Variants in NR3C2 observed in about 807,000 individuals in gnomAD.
NR3C2 encodes nuclear receptor subfamily 3 group C member 2.
Under a neutral mutation model 86.4 loss-of-function variants are expected in NR3C2, and 15 were observed. That is an observed-to-expected ratio of 0.17 (90% confidence interval 0.12 to 0.27). The LOEUF (loss-of-function observed/expected upper bound fraction) is 0.27. Ranked by LOEUF, NR3C2 falls within the 10% of genes least tolerant of loss-of-function variation. NR3C2 has a pLI of 1.00. For synonymous variants in NR3C2, 458 were observed against 450.5 expected (o/e 1.02, Z -0.21); for missense variants, 960 against 1,195.6 (o/e 0.80, Z 2.91).
chr4:148,133,133 C>T (rs538575547), intron 6 of NR3C2, among the ~76,000 whole-genome samples: 30 of 148,812 alleles, frequency 2.0e-4, no homozygotes, highest in African/African-American at 6.2e-4. Flanking sequence ...GCTGAGGACG[C>T]GGTGAGCCAT....
chr4:148,105,835 T>C (rs1327531180), intron 8 of NR3C2, among the ~76,000 whole-genome samples: 1 of 152,216 alleles, frequency 6.6e-6, no homozygotes, highest in African/African-American at 2.4e-5. Context: ...CATCCCTTCA[T>C]GTTAAAAACT....
chr4:148,120,340 C>G (rs759866254), intron 6 of NR3C2, 52 bp from the exon 7 acceptor site: 2 of 1,611,458 alleles, frequency 1.2e-6, no homozygotes, highest in East Asian at 2.2e-5. Context: ...ATTATCAAAC[C>G]CAGACTGGCA....
At chr4:148,190,429 T>C (rs939360434) in intron 4 of NR3C2, among the ~76,000 whole-genome samples, 34 of 152,336 alleles carry the variant, frequency 2.2e-4, no homozygotes, top group African/African-American at 6.5e-4. Context: ...CTTAAATTTA[T>C]TGAGGCTTGT....
chr4:148,186,996 GTATATATATATATATATATATATATA>G (rs1162757665), intron 4 of NR3C2, among the ~76,000 whole-genome samples: 19 of 27,202 alleles, frequency 7.0e-4, no homozygotes, highest in South Asian at 6.8e-3. Flanking sequence ...GTGTATGTAT[GTATATATATATATATATATATATATA>G]TATATATATA....
chr4:148,219,791 C>T (rs182564754), intron 3 of NR3C2, among the ~76,000 whole-genome samples: 25 of 152,168 alleles, frequency 1.6e-4, no homozygotes, highest in Admixed American at 3.3e-4. Context: ...AGAAAATATA[C>T]GTTAATATGC....
rs535084575 is a variant in NR3C2 at position 148,094,663 on chromosome 4, C to T, written c.2800-13164G>A. ...CCGGGAGGCGGAGGTTGCAGTGAGC[C>T]GAGATTGCGCCACTGCACTCCAGCC... On this transcript the variant is annotated intron_variant, in intron 8 of 8. Transcript: ENST00000358102. Among the ~76,000 whole-genome samples, 1,389 of 150,190 alleles carry T rather than the reference C, an allele frequency of 9.2e-3. 24 individuals carry two copies. Among genetic ancestry groups the T allele is most frequent in the African/African-American group, 0.032 (1,299 of 40,916 alleles).
At chr4:148,230,477 G>A (rs571776952) in intron 3 of NR3C2, among the ~76,000 whole-genome samples, 15 of 152,258 alleles carry the variant, frequency 9.9e-5, no homozygotes, top group African/African-American at 2.9e-4. Flanking sequence ...GATTACAGGC[G>A]TGAGCCACCA....
chr4:148,406,236 T>C (rs1748418060), intron 2 of NR3C2, among the ~76,000 whole-genome samples: 1 of 152,126 alleles, frequency 6.6e-6, no homozygotes, highest in Admixed American at 6.5e-5. Context: ...GCATGCATTC[T>C]AGAAGGGAGG....
intron 7 of NR3C2, among the ~76,000 whole-genome samples, chr4:148,119,863 T>C (rs1025720126): frequency 2.6e-5 from 4 of 152,112 alleles, no homozygotes; most frequent in Non-Finnish European, 5.9e-5. Context: ...TCATTAACCC[T>C]TGTGTTTCCT....
intron 2 of NR3C2, among the ~76,000 whole-genome samples, chr4:148,332,288 G>T (rs1744267858): frequency 6.6e-6 from 1 of 151,952 alleles, no homozygotes; most frequent in South Asian, 2.1e-4. Flanking sequence ...TCACTTTTTT[G>T]CCTGAGATTA....
At chr4:148,174,410 G>A (rs1735273066) in intron 4 of NR3C2, among the ~76,000 whole-genome samples, 1 of 152,142 alleles carries the variant, frequency 6.6e-6, no homozygotes, top group African/African-American at 2.4e-5. Flanking sequence ...CACCTCTATG[G>A]AGTGACAACG....
intron 4 of NR3C2, among the ~76,000 whole-genome samples, chr4:148,163,446 G>GT (rs1734749908): frequency 6.6e-6 from 1 of 152,142 alleles, no homozygotes; most frequent in Non-Finnish European, 1.5e-5. Context: ...TATATGTGTG[G>GT]TAAAAGATAA....
chr4:148,444,591 T>TGCTGCCGCCGCC (rs1750500062), upstream of NR3C2: 5 of 988,370 alleles, frequency 5.1e-6, no homozygotes, highest in Non-Finnish European at 6.0e-6. Context: ...CCGCCGCCGC[T>TGCTGCCGCCGCC]GCTGCCGCCG....
intron 2 of NR3C2, among the ~76,000 whole-genome samples, chr4:148,369,849 T>C (rs1030553587): frequency 6.6e-6 from 1 of 152,198 alleles, no homozygotes; most frequent in Non-Finnish European, 1.5e-5. Context: ...GCAACAAGAC[T>C]TGATGCTGAG....
intron 2 of NR3C2, among the ~76,000 whole-genome samples, chr4:148,314,269 T>C (rs556342795): frequency 1.7e-4 from 26 of 152,336 alleles, no homozygotes; most frequent in African/African-American, 6.0e-4. Context: ...CCACAGTTGC[T>C]GATGCAAGTT....
At chr4:148,238,388 TG>T (rs1158076639) in intron 3 of NR3C2, among the ~76,000 whole-genome samples, 1 of 152,200 alleles carries the variant, frequency 6.6e-6, no homozygotes, top group African/African-American at 2.4e-5. Context: ...AAAGTCATTT[TG>T]CCAGACAAAC....
At chr4:148,399,421 T>C (rs1748027482) in intron 2 of NR3C2, among the ~76,000 whole-genome samples, 1 of 151,816 alleles carries the variant, frequency 6.6e-6, no homozygotes, top group African/African-American at 2.4e-5. Context: ...ACATATAGTG[T>C]ATTATATATA....
chr4:148,389,202 C>G (rs546091885), intron 2 of NR3C2, among the ~76,000 whole-genome samples: 2 of 152,208 alleles, frequency 1.3e-5, no homozygotes, highest in South Asian at 4.1e-4. Flanking sequence ...TTGTAATTAA[C>G]AGCAGTGAGG....
intron 2 of NR3C2, among the ~76,000 whole-genome samples, chr4:148,287,532 G>C (rs182848646): frequency 7.7e-4 from 118 of 152,276 alleles, no homozygotes; most frequent in Non-Finnish European, 1.3e-3. Context: ...TGAGTGGGCT[G>C]ATTTGGAATT....
Sources: gnomAD v4.1 joint callset for allele counts (sites outside exome capture counted in the v4.1 genomes callset) on GRCh38, gnomAD v4.1.1 for gene constraint, MANE v1.5 for transcripts, NCBI Gene and HGNC (gene_info 2026-07-23, HGNC 2026-07-21) for gene names.